The following MAP3K4 variants were observed in gnomAD, a reference collection of about 807,000 sequenced individuals.
MAP3K4 encodes mitogen-activated protein kinase kinase kinase 4.
MAP3K4 carries 67 observed loss-of-function variants against 185.6 expected under a neutral mutation model. The ratio of observed to expected loss-of-function variants is 0.36; its 90% CI spans 0.30 to 0.44. MAP3K4 has a LOEUF of 0.44. Ranked by LOEUF, MAP3K4 falls within the 20% of genes least tolerant of loss-of-function variation. MAP3K4 has a pLI of 1.00. For synonymous variants in MAP3K4, 702 were observed against 710.4 expected, an observed-to-expected ratio of 0.99 and a Z score of 0.19; for missense variants, 1,551 against 1,995.1, an observed-to-expected ratio of 0.78 and a Z score of 4.24.
At position 161,017,759 on chromosome 6, in the gene MAP3K4, C is replaced by T. The variant is rs999424661; in HGVS notation, c.153-16500C>T. Among the ~76,000 whole-genome samples, 1 of 152,100 alleles carries T rather than the reference C, an allele frequency of 6.6e-6. No individual in the cohort carries two copies. The highest frequency in any genetic ancestry group is 1.9e-4 in the East Asian group (1 of 5,190). ...TCTCCTTTGCTTCCTAAAGACACTGCTGTGTGATCCTATTATATAATACTT... is the reference window on the plus strand; with the variant it reads ...TCTCCTTTGCTTCCTAAAGACACTGTTGTGTGATCCTATTATATAATACTT... On this transcript the variant is annotated intron_variant, in intron 1 of 26. Coordinates refer to ENST00000392142, the MANE Select transcript of MAP3K4 (RefSeq NM_005922.4). This position sits in a 1 kb window ranked among gnomAD's most constrained non-coding sequence, Gnocchi z 5.1.
chr6:161,092,941 G>A (rs1465427545), intron 13 of MAP3K4, 37 bp from the exon 14 acceptor site: 2 of 1,266,820 alleles, frequency 1.6e-6, no homozygotes, highest in Non-Finnish European at 2.3e-6. Context: ...GCGTTTTCTT[G>A]GTTGTTATGT....
At position 161,092,098 on chromosome 6, in the gene MAP3K4, A is replaced by G. The variant is rs751122481; in HGVS notation, c.3224A>G (p.Asn1075Ser). ...KYISFARKWM[N>S]YVLTKCESGR... ...ATAAGCTTTGCCCGGAAGTGGATGA[A>G]TTATGTCCTGACTAAATGTGAGAGT... Residue 1075 changes from asparagine (N) to serine (S), a missense_variant, in exon 13 of 27, where the codon AAT becomes AGT. Asn to Ser is a conservative substitution (Grantham distance 46, BLOSUM62 1). Coordinates refer to ENST00000392142, the MANE Select transcript of MAP3K4 (RefSeq NM_005922.4). The G allele has an allele frequency of 2.2e-5, 36 of 1,613,864 alleles. No homozygotes were observed. Among genetic ancestry groups the G allele is most frequent in the Non-Finnish European group, 2.9e-5 (34 of 1,179,946 alleles).
Position 161,077,560 on chromosome 6 carries a change from C to T in MAP3K4, c.2098-3321C>T, listed in dbSNP as rs1785239518. Reference sequence around the variant, plus strand: ...GCTCCAGCTGCAGGTGGAGAGTAGGCTGGGGGTCCAGAGCAGATGTGAGAG... The same window carrying T: ...GCTCCAGCTGCAGGTGGAGAGTAGGTTGGGGGTCCAGAGCAGATGTGAGAG... On this transcript the variant is annotated intron_variant, in intron 5 of 26. Coordinates refer to ENST00000392142, the MANE Select transcript of MAP3K4 (RefSeq NM_005922.4). The surrounding 1 kb of genome is among the most constrained non-coding windows in gnomAD (Gnocchi z 4.3). Among the ~76,000 whole-genome samples, 1 of 152,162 alleles carries T rather than the reference C, an allele frequency of 6.6e-6. No individual in the cohort carries two copies. Among genetic ancestry groups the T allele is most frequent in the African/African-American group, 2.4e-5 (1 of 41,440 alleles).
intron 1 of MAP3K4, among the ~76,000 whole-genome samples, chr6:161,012,052 G>A (rs1781870614): frequency 6.6e-6 from 1 of 152,068 alleles, no homozygotes; most frequent in Non-Finnish European, 1.5e-5. Flanking sequence ...CTGAAATTAG[G>A]GTGGCCACGC....
Position 161,049,414 on chromosome 6 carries a change from A to T in MAP3K4, c.1142A>T (p.Tyr381Phe). 4.3e-6 allele frequency: 7 copies of T among 1,614,082 alleles called. No homozygotes were observed. The highest frequency in any genetic ancestry group is 5.9e-6 in the Non-Finnish European group (7 of 1,179,940). ...LQALQKDYEK[Y>F]AAKDFQDRVQ... is the part of the protein sequence containing the mutation. Reference sequence around the variant, plus strand: ...GCTCTTCAGAAGGACTATGAAAAATATGCTGCAAAAGACTTCCAGGACAGG... The same window carrying T: ...GCTCTTCAGAAGGACTATGAAAAATTTGCTGCAAAAGACTTCCAGGACAGG... Residue 381 changes from tyrosine (Y) to phenylalanine (F), a missense_variant, in exon 3 of 27, where the codon TAT becomes TTT. By Grantham distance (22) the Tyr-to-Phe change is conservative. Coordinates refer to ENST00000392142, the MANE Select transcript of MAP3K4 (RefSeq NM_005922.4). This position sits in a 1 kb window ranked among gnomAD's most constrained non-coding sequence, Gnocchi z 8.4.
At chr6:161,000,010 C>G (rs1180937481) in intron 1 of MAP3K4, among the ~76,000 whole-genome samples, 1 of 152,178 alleles carries the variant, frequency 6.6e-6, no homozygotes, top group African/African-American at 2.4e-5. Flanking sequence ...AGGCGTCGGT[C>G]TGTACATCAA....
At chr6:161,009,512 C>G (rs769849219) in intron 1 of MAP3K4, among the ~76,000 whole-genome samples, 1 of 152,128 alleles carries the variant, frequency 6.6e-6, no homozygotes, top group African/African-American at 2.4e-5. Flanking sequence ...TTCTGATTGG[C>G]TTATTTCACT....
chr6:161,060,618 C>CTTTTTTTTTT (rs35196179), intron 3 of MAP3K4, among the ~76,000 whole-genome samples: 1 of 126,412 alleles, frequency 7.9e-6, no homozygotes. Context: ...TTTTCTTTTT[C>CTTTTTTTTTT]TTTTTTTTTT....
At chr6:161,040,794 G>T (rs1376858623) in intron 2 of MAP3K4, among the ~76,000 whole-genome samples, 1 of 152,234 alleles carries the variant, frequency 6.6e-6, no homozygotes, top group Non-Finnish European at 1.5e-5. Context: ...GGTCATAAAT[G>T]TCAACAAGTT....
Position 161,017,520 on chromosome 6 carries a change from T to A in MAP3K4, c.153-16739T>A, listed in dbSNP as rs1256371524. On this transcript the variant is annotated intron_variant, in intron 1 of 26. Transcript: ENST00000392142. The surrounding 1 kb of genome is among the most constrained non-coding windows in gnomAD (Gnocchi z 5.1). ...TATTAGGTTTGTAAAAGCCTAAGTTTTAGAGTTTTTATATGCCTAAAAATT... is the reference window on the plus strand; with the variant it reads ...TATTAGGTTTGTAAAAGCCTAAGTTATAGAGTTTTTATATGCCTAAAAATT... Among the ~76,000 whole-genome samples, 1 of 152,194 alleles carries A rather than the reference T, an allele frequency of 6.6e-6. No individual in the cohort carries two copies. The highest frequency in any genetic ancestry group is 6.5e-5 in the Admixed American group (1 of 15,284).
intron 1 of MAP3K4, among the ~76,000 whole-genome samples, chr6:161,020,887 A>G (rs1168789568): frequency 6.6e-6 from 1 of 152,222 alleles, no homozygotes; most frequent in Non-Finnish European, 1.5e-5. Context: ...TATTGGGAAT[A>G]CACAGGGCCT....
At chr6:161,113,165 T>C (rs1403816787) in intron 25 of MAP3K4, among the ~76,000 whole-genome samples, 1 of 152,188 alleles carries the variant, frequency 6.6e-6, no homozygotes, top group African/African-American at 2.4e-5. Context: ...AGATTATTCA[T>C]ACAAAGGAGT....
rs1279768672 is a variant in MAP3K4, at chr6:161,037,173, A to T, written c.343+2724A>T. The stretch of plus-strand genomic sequence containing the variant: ...GACAAGTGGGCCATTTTAATGTCTT[A>T]GTCTTGGTTGTGGTGGTTAATAGTC... On this transcript the variant is annotated intron_variant, in intron 2 of 26. Transcript: ENST00000392142. The surrounding 1 kb of genome is among the most constrained non-coding windows in gnomAD (Gnocchi z 4.2). 1.3e-5 allele frequency among the ~76,000 whole-genome samples: 2 copies of T among 152,202 alleles called. No homozygotes were observed. Among genetic ancestry groups the T allele is most frequent in the Non-Finnish European group, 2.9e-5 (2 of 68,040 alleles).
intron 1 of MAP3K4, among the ~76,000 whole-genome samples, chr6:161,012,223 C>T (rs1781882214): frequency 6.6e-6 from 1 of 152,182 alleles, no homozygotes; most frequent in East Asian, 1.9e-4. Flanking sequence ...ATTCACTGAA[C>T]ATCTTCCTAG....
Position 161,007,461 on chromosome 6 carries a change from G to T in MAP3K4, c.152+15378G>T, listed in dbSNP as rs1166742717. Among the ~76,000 whole-genome samples the T allele has an allele frequency of 6.6e-6, 1 of 152,148 alleles. No individual in the cohort carries two copies. Among genetic ancestry groups the T allele is most frequent in the Non-Finnish European group, 1.5e-5 (1 of 68,026 alleles). On this transcript the variant is annotated intron_variant, in intron 1 of 26. Coordinates refer to ENST00000392142, the MANE Select transcript of MAP3K4 (RefSeq NM_005922.4). The surrounding 1 kb of genome is among the most constrained non-coding windows in gnomAD (Gnocchi z 4.5). ...GCCATTTCTTGGAACACAGAACGTG[G>T]ATTTCCTATCCATTGCTCTCTTAAG... is the stretch of plus-strand genomic sequence containing the variant.
chr6:161,024,174 G>T (rs1388715207), intron 1 of MAP3K4, among the ~76,000 whole-genome samples: 2 of 151,980 alleles, frequency 1.3e-5, no homozygotes, highest in East Asian at 1.9e-4. Context: ...TCACGATATT[G>T]CCCGGGCTGG....
At position 161,064,480 on chromosome 6, in the gene MAP3K4, A is replaced by G. The variant is rs983463763; in HGVS notation, c.1708-6128A>G. On this transcript the variant is annotated intron_variant, in intron 3 of 26. Transcript: ENST00000392142. The surrounding 1 kb of genome is among the most constrained non-coding windows in gnomAD (Gnocchi z 4.3). Reference sequence around the variant, plus strand: ...TTTTTTTTTTTACATTAAATTCTAGATAATTGGGTATGTTTCTGTGTTCTG... The same window carrying G: ...TTTTTTTTTTTACATTAAATTCTAGGTAATTGGGTATGTTTCTGTGTTCTG... Among the ~76,000 whole-genome samples the G allele has an allele frequency of 2.6e-5, 4 of 151,616 alleles. No homozygotes were observed. The highest frequency in any genetic ancestry group is 4.8e-5 in the African/African-American group (2 of 41,292).
intron 17 of MAP3K4, among the ~76,000 whole-genome samples, chr6:161,099,622 GA>G: frequency 6.6e-6 from 1 of 152,180 alleles, no homozygotes; most frequent in East Asian, 1.9e-4. Flanking sequence ...ACAGACTGAA[GA>G]GAAGTGATTT....
At chr6:161,046,654 A>G (rs931924937) in intron 2 of MAP3K4, among the ~76,000 whole-genome samples, 1 of 151,614 alleles carries the variant, frequency 6.6e-6, no homozygotes, top group Non-Finnish European at 1.5e-5. Flanking sequence ...AAACCAAGCT[A>G]TAAGTGCTCT....
Sources: gnomAD v4.1 joint callset for allele counts (sites outside exome capture counted in the v4.1 genomes callset) on GRCh38, gnomAD v4.1.1 for gene constraint, Gnocchi (gnomAD v3.1) non-coding constraint, MANE v1.5 for transcripts, NCBI Gene and HGNC (gene_info 2026-07-23, HGNC 2026-07-21) for gene names.